MECOM: variants seen among roughly 807,000 people sequenced by gnomAD.
MECOM encodes histone-lysine N-methyltransferase MECOM.
In MECOM, 13 loss-of-function variants were observed where a neutral mutation model predicts 116.3. The observed-to-expected ratio is 0.11, with a 90% CI of 0.07 to 0.18. The LOEUF is 0.18. Ranked by LOEUF, MECOM falls within the 10% of genes least tolerant of loss-of-function variation. MECOM has a pLI of 1.00. For synonymous variants in MECOM, 528 were observed against 535.2 expected (o/e 0.99, Z 0.19); for missense variants, 1,299 against 1,509.0 (o/e 0.86, Z 2.31).
intron 16 of MECOM, among the ~76,000 whole-genome samples, chr3:169,088,407 G>A (rs1718559923): frequency 6.6e-6 from 1 of 152,082 alleles, no homozygotes; most frequent in Non-Finnish European, 1.5e-5. Flanking sequence ...ATAAATTTGA[G>A]TACCATTCAT....
At chr3:169,428,383 C>A (rs1241868240) in intron 1 of MECOM, among the ~76,000 whole-genome samples, 1 of 152,168 alleles carries the variant, frequency 6.6e-6, no homozygotes, top group Middle Eastern at 3.2e-3. Context: ...AGATCCTTCA[C>A]ATGCGCAGTT....
intron 9 of MECOM, among the ~76,000 whole-genome samples, chr3:169,108,814 A>T (rs937412516): frequency 2.0e-5 from 3 of 152,180 alleles, no homozygotes; most frequent in Non-Finnish European, 4.4e-5. Flanking sequence ...TTAGGAAAAG[A>T]CTGTCTCCTC....
At chr3:169,309,580 C>T (rs756158498) in intron 2 of MECOM, among the ~76,000 whole-genome samples, 1 of 152,174 alleles carries the variant, frequency 6.6e-6, no homozygotes, top group African/African-American at 2.4e-5. Context: ...TACAGCTTTT[C>T]ATTACAAATA....
At chr3:169,211,810 G>T (rs545758790) in intron 2 of MECOM, among the ~76,000 whole-genome samples, 1 of 152,134 alleles carries the variant, frequency 6.6e-6, no homozygotes, top group African/African-American at 2.4e-5. Flanking sequence ...CAAAAGTCCA[G>T]ACCTTTGTAT....
chr3:169,663,209 C>T (rs1776561126), intron 1 of MECOM, 127 bp downstream of exon 1: 3 of 1,090,184 alleles, frequency 2.8e-6, no homozygotes, highest in African/African-American at 1.6e-5. Flanking sequence ...GGGCTGCGCT[C>T]CGCCTGCCCT....
At chr3:169,474,111 T>C (rs1390039284) in intron 1 of MECOM, among the ~76,000 whole-genome samples, 1 of 152,190 alleles carries the variant, frequency 6.6e-6, no homozygotes, top group Non-Finnish European at 1.5e-5. Flanking sequence ...ATTCACAAGA[T>C]GAATTTCTTT....
chr3:169,086,576 G>T (rs1717822522), intron 16 of MECOM: 2 of 701,216 alleles, frequency 2.9e-6, no homozygotes, highest in Middle Eastern at 2.3e-4. Flanking sequence ...CTATAAAACA[G>T]ATGATAGTAA....
intron 6 of MECOM, 145 bp downstream of exon 6, chr3:169,122,435 T>G (rs1329724624): frequency 2.3e-6 from 2 of 878,344 alleles, no homozygotes; most frequent in African/African-American, 3.4e-5. Context: ...ACTAATGCCT[T>G]TTAGCATACA....
chr3:169,554,426 T>C (rs1227428002), intron 1 of MECOM, among the ~76,000 whole-genome samples: 1 of 152,188 alleles, frequency 6.6e-6, no homozygotes, highest in Non-Finnish European at 1.5e-5. Flanking sequence ...TTAAAGAGTT[T>C]TCAATTTTTA....
At chr3:169,485,690 C>T (rs941960962) in intron 1 of MECOM, among the ~76,000 whole-genome samples, 1 of 151,292 alleles carries the variant, frequency 6.6e-6, no homozygotes, top group South Asian at 2.1e-4. Flanking sequence ...AAAAAGGCTG[C>T]GTGCTCAGAT....
intron 2 of MECOM, among the ~76,000 whole-genome samples, chr3:169,229,849 A>G (rs1267412731): frequency 1.3e-5 from 2 of 152,188 alleles, no homozygotes; most frequent in Non-Finnish European, 2.9e-5. Context: ...TCTTTCAGCT[A>G]CAATGTTTTT....
chr3:169,115,296 T>C, intron 8 of MECOM, 87 bp downstream of exon 8: 1 of 1,326,428 alleles, frequency 7.5e-7, no homozygotes, highest in Non-Finnish European at 1.0e-6. Flanking sequence ...ATAGTAAAAA[T>C]GATGTGTTAA....
At chr3:169,380,010 G>T (rs754598808) in intron 2 of MECOM, among the ~76,000 whole-genome samples, 1 of 152,068 alleles carries the variant, frequency 6.6e-6, no homozygotes, top group South Asian at 2.1e-4. Context: ...TGTCAAAGCC[G>T]GATTCTGGCA....
intron 1 of MECOM, among the ~76,000 whole-genome samples, chr3:169,549,697 A>T (rs1761143032): frequency 6.6e-6 from 1 of 152,192 alleles, no homozygotes; most frequent in South Asian, 2.1e-4. Flanking sequence ...GTCATTTTTT[A>T]AGGCCAAGTA....
At chr3:169,443,882 A>C (rs1321650011) in intron 1 of MECOM, among the ~76,000 whole-genome samples, 1 of 152,152 alleles carries the variant, frequency 6.6e-6, no homozygotes, top group African/African-American at 2.4e-5. Context: ...GACTCTCAGC[A>C]CTAGACAGTT....
chr3:169,353,359 A>G (rs1302158437), intron 2 of MECOM, among the ~76,000 whole-genome samples: 1 of 151,960 alleles, frequency 6.6e-6, no homozygotes, highest in Admixed American at 6.6e-5. Context: ...TATACCAAAA[A>G]TCATTAATTA....
At chr3:169,645,530 C>T (rs566315391) in intron 1 of MECOM, among the ~76,000 whole-genome samples, 1 of 152,222 alleles carries the variant, frequency 6.6e-6, no homozygotes, top group East Asian at 1.9e-4. Context: ...TAGAAATGGC[C>T]ACCAGATCAA....
At chr3:169,162,054 T>C (rs549284727) in intron 2 of MECOM, among the ~76,000 whole-genome samples, 89 of 152,300 alleles carry the variant, frequency 5.8e-4, no homozygotes, top group African/African-American at 2.1e-3. Flanking sequence ...TTTACTGTTG[T>C]TTTCAACCAT....
chr3:169,293,658 G>T (rs766061077), intron 2 of MECOM, among the ~76,000 whole-genome samples: 30 of 152,086 alleles, frequency 2.0e-4, no homozygotes, highest in Non-Finnish European at 3.1e-4. Flanking sequence ...CTTGATAGCA[G>T]TTATTATTAC....
Sources: allele counts gnomAD v4.1 joint callset (sites outside exome capture counted in the v4.1 genomes callset), GRCh38; gene constraint gnomAD v4.1.1; transcripts MANE v1.5; gene names NCBI Gene and HGNC (gene_info 2026-07-23, HGNC 2026-07-21).